KCNN2: variants seen among roughly 807,000 people sequenced by gnomAD.
KCNN2 encodes the protein small conductance calcium-activated potassium channel protein 2.
A neutral mutation model predicts 55.5 loss-of-function variants in KCNN2; 24 were observed. That is an observed-to-expected ratio of 0.43 (90% CI 0.31 to 0.61). KCNN2 has a LOEUF of 0.61. KCNN2 is among the 20% of genes least tolerant of loss of function. The pLI, the probability that KCNN2 is intolerant of heterozygous loss-of-function variation, is 0.08. For synonymous variants in KCNN2, 431 were observed against 336.1 expected (o/e 1.28, Z -3.09); for missense variants, 754 against 853.6 (o/e 0.88, Z 1.45).
intron 2 of KCNN2, among the ~76,000 whole-genome samples, chr5:114,316,210 AAATT>A (rs1361159651): frequency 1.3e-5 from 2 of 152,132 alleles, no homozygotes; most frequent in African/African-American, 4.8e-5. Context: ...GTACCTTATA[AAATT>A]AATAGGTGTG....
intron 1 of KCNN2, among the ~76,000 whole-genome samples, chr5:114,175,891 G>A (rs1358712895): frequency 6.6e-6 from 1 of 152,132 alleles, no homozygotes; most frequent in East Asian, 1.9e-4. Flanking sequence ...ATTCTGAAAT[G>A]ACTTGCAAGC....
intron 1 of KCNN2, among the ~76,000 whole-genome samples, chr5:114,144,279 C>T (rs1752350843): frequency 6.6e-6 from 1 of 152,118 alleles, no homozygotes. Flanking sequence ...ATCTCCCATC[C>T]ATATAACAGT....
At chr5:114,388,889 C>A (rs1198043573) in intron 2 of KCNN2, among the ~76,000 whole-genome samples, 1 of 152,132 alleles carries the variant, frequency 6.6e-6, no homozygotes, top group Admixed American at 6.6e-5. Flanking sequence ...TACAGCCCTT[C>A]TGCATTTGAA....
intron 1 of KCNN2, among the ~76,000 whole-genome samples, chr5:114,208,644 G>T (rs748215303): frequency 8.5e-5 from 13 of 152,106 alleles, no homozygotes; most frequent in Admixed American, 2.0e-4. Flanking sequence ...GTGAAGCTCA[G>T]GTATATGATT....
At chr5:114,174,154 C>T (rs1483647080) in intron 1 of KCNN2, among the ~76,000 whole-genome samples, 1 of 152,070 alleles carries the variant, frequency 6.6e-6, no homozygotes, top group South Asian at 2.1e-4. Flanking sequence ...TGAAGTAAAA[C>T]GATCAAAAAC....
intron 1 of KCNN2, among the ~76,000 whole-genome samples, chr5:114,157,552 C>A (rs1183270053): frequency 6.6e-6 from 1 of 152,132 alleles, no homozygotes; most frequent in Non-Finnish European, 1.5e-5. Context: ...AATGGTATTT[C>A]GAGTTCTAGA....
chr5:114,100,668 C>T (rs564975467), intron 1 of KCNN2, among the ~76,000 whole-genome samples: 1 of 152,108 alleles, frequency 6.6e-6, no homozygotes, highest in South Asian at 2.1e-4. Context: ...CAAGGAGATC[C>T]CTGGAGCCCA....
At position 114,168,256 on chromosome 5, in the gene KCNN2, T is replaced by C. The variant is rs565135981; in HGVS notation, c.-270-53224T>C. The stretch of plus-strand genomic sequence containing the variant: ...CATATACAAGTCTGGTTATGGGTTT[T>C]CTATTTAGTTTCCATAGGATATTTA... On this transcript the variant is annotated intron_variant, in intron 1 of 10. Transcript: ENST00000512097. Among the ~76,000 whole-genome samples the C allele has an allele frequency of 4.6e-5, 7 of 152,030 alleles. No individual in the cohort carries two copies. The East Asian group carries it at 1.4e-3, about 29-fold the overall frequency.
intron 2 of KCNN2, among the ~76,000 whole-genome samples, chr5:114,273,776 A>C (rs6898914): frequency 0.86 from 130,718 of 152,114 alleles, 57,391 homozygotes; most frequent in East Asian, 0.94. Context: ...AGATTGCAAA[A>C]ATTTTCTCCC....
At chr5:114,281,736 A>T (rs1278467270) in intron 2 of KCNN2, among the ~76,000 whole-genome samples, 1 of 123,230 alleles carries the variant, frequency 8.1e-6, no homozygotes, top group Non-Finnish European at 1.8e-5. Flanking sequence ...TTTTAAGCAT[A>T]TACTATGACC....
intron 1 of KCNN2, among the ~76,000 whole-genome samples, chr5:114,212,877 T>A (rs910854558): frequency 4.6e-5 from 7 of 152,080 alleles, no homozygotes; most frequent in African/African-American, 1.7e-4. Flanking sequence ...TTCTGATTTA[T>A]ACGATAAATT....
chr5:114,428,959 A>T (rs547508019), intron 3 of KCNN2, among the ~76,000 whole-genome samples: 1 of 152,194 alleles, frequency 6.6e-6, no homozygotes, highest in African/African-American at 2.4e-5. Context: ...CAGTTTATTC[A>T]TGTACTCATT....
At chr5:114,203,137 A>G (rs966809443) in intron 1 of KCNN2, among the ~76,000 whole-genome samples, 2 of 152,130 alleles carry the variant, frequency 1.3e-5, no homozygotes, top group South Asian at 4.1e-4. Context: ...GAAAGTTTGA[A>G]AGGTTTTAAT....
At chr5:114,300,455 A>G (rs1485639538) in intron 2 of KCNN2, among the ~76,000 whole-genome samples, 1 of 152,228 alleles carries the variant, frequency 6.6e-6, no homozygotes, top group East Asian at 1.9e-4. Flanking sequence ...TCTTGCTACC[A>G]TAATAAATGT....
At chr5:114,447,545 CTGTT>C (rs1377219692) in intron 3 of KCNN2, among the ~76,000 whole-genome samples, 2 of 152,158 alleles carry the variant, frequency 1.3e-5, no homozygotes, top group Non-Finnish European at 1.5e-5. Context: ...GCTCATGGGT[CTGTT>C]TGATTTTTGT....
At chr5:114,452,965 A>T (rs1380731153) in intron 3 of KCNN2, among the ~76,000 whole-genome samples, 1 of 152,184 alleles carries the variant, frequency 6.6e-6, no homozygotes, top group Non-Finnish European at 1.5e-5. Flanking sequence ...ACATAGTTGC[A>T]ATTTGGAAGG....
chr5:114,203,793 C>T (rs1389567941), intron 1 of KCNN2, among the ~76,000 whole-genome samples: 4 of 152,210 alleles, frequency 2.6e-5, no homozygotes, highest in Admixed American at 6.5e-5. Flanking sequence ...TTTCCCAGTG[C>T]TTCCTTCTGT....
At chr5:114,215,111 G>C (rs1366984107) in intron 1 of KCNN2, among the ~76,000 whole-genome samples, 1 of 152,016 alleles carries the variant, frequency 6.6e-6, no homozygotes, top group Non-Finnish European at 1.5e-5. Context: ...ACTTGAATAG[G>C]CTTAATGAAA....
At chr5:114,292,101 A>G (rs1252283704) in intron 2 of KCNN2, among the ~76,000 whole-genome samples, 2 of 152,228 alleles carry the variant, frequency 1.3e-5, no homozygotes, top group Admixed American at 6.5e-5. Context: ...GCCCTTTGTC[A>G]GATGAGTAGA....
Sources: gnomAD v4.1 joint callset for allele counts (sites outside exome capture counted in the v4.1 genomes callset) on GRCh38, gnomAD v4.1.1 for gene constraint, MANE v1.5 for transcripts, NCBI Gene and HGNC (gene_info 2026-07-23, HGNC 2026-07-21) for gene names.